Variants in BTRC observed in about 807,000 individuals in gnomAD.
The protein encoded by BTRC is beta-transducin repeat containing E3 ubiquitin protein ligase.
In BTRC, 42 loss-of-function variants were observed where a neutral mutation model predicts 85.5. The ratio of observed to expected loss-of-function variants is 0.49; its 90% CI spans 0.38 to 0.64. BTRC has a LOEUF of 0.64. BTRC is among the 30% of genes least tolerant of loss of function. BTRC has a pLI of 0.00. For missense variants in BTRC, 594 were observed against 743.5 expected (o/e 0.80, Z 2.34); for synonymous variants, 255 against 263.3 (o/e 0.97, Z 0.30).
rs1456395738 is a variant in BTRC at position 101,430,355 on chromosome 10, C to A, written c.59C>A (p.Pro20His). Residue 20 changes from proline to histidine, a missense_variant, in exon 2 of 15, where the codon CCC becomes CAC. Physicochemically the swap from Pro to His is moderately conservative, Grantham distance 77. Coordinates refer to ENST00000370187, the MANE Select transcript of BTRC (RefSeq NM_033637.4). ...GTCCTCTCTCTGCAGTGCTCTATGC[C>A]CAGGTCTCTGTGGCTGGGCTGCTCC... ...EKALKFMCSM[P>H]RSLWLGCSSL... 1 of 1,613,714 alleles carries A rather than the reference C, an allele frequency of 6.2e-7. No individual in the cohort carries two copies. The highest frequency in any genetic ancestry group is 8.5e-7 in the Non-Finnish European group (1 of 1,179,728).
At chr10:101,417,188 C>G (rs1367148175) in intron 1 of BTRC, among the ~76,000 whole-genome samples, 1 of 152,122 alleles carries the variant, frequency 6.6e-6, no homozygotes, top group Non-Finnish European at 1.5e-5. Context: ...AGATCCCATT[C>G]AAGTTTCTCT....
At chr10:101,389,643 A>G in intron 1 of BTRC, among the ~76,000 whole-genome samples, 1 of 95,622 alleles carries the variant, frequency 1.0e-5, no homozygotes, top group Non-Finnish European at 1.9e-5. Flanking sequence ...TTTTTGAGAC[A>G]GGGTCTTTCT....
intron 4 of BTRC, among the ~76,000 whole-genome samples, chr10:101,509,243 A>AT (rs71016330): frequency 0.082 from 5,711 of 69,910 alleles, 1,583 homozygotes; most frequent in African/African-American, 0.23. Context: ...GGCAATGTGG[A>AT]TTTTTTTTTT....
intron 4 of BTRC, among the ~76,000 whole-genome samples, chr10:101,480,893 T>TA (rs1241906121): frequency 6.6e-6 from 1 of 152,206 alleles, no homozygotes; most frequent in Non-Finnish European, 1.5e-5. Flanking sequence ...TAACAAGTGC[T>TA]AATTGACCCT....
intron 3 of BTRC, among the ~76,000 whole-genome samples, chr10:101,472,625 G>A (rs1405093050): frequency 6.6e-6 from 1 of 152,110 alleles, no homozygotes; most frequent in East Asian, 1.9e-4. Flanking sequence ...GACCAGCCTG[G>A]CCAATATGGT....
intron 4 of BTRC, among the ~76,000 whole-genome samples, chr10:101,518,995 C>A (rs903043063): frequency 1.3e-5 from 2 of 151,372 alleles, no homozygotes; most frequent in Admixed American, 1.3e-4. Context: ...CTGAGAGCAT[C>A]TCAAGGCTTA....
intron 1 of BTRC, among the ~76,000 whole-genome samples, chr10:101,387,652 G>A (rs1943119012): frequency 6.7e-6 from 1 of 148,534 alleles, no homozygotes; most frequent in South Asian, 2.1e-4. Context: ...TCACCTTCCC[G>A]AGTTGTTGGG....
intron 1 of BTRC, among the ~76,000 whole-genome samples, chr10:101,404,624 A>C (rs764648305): frequency 6.6e-6 from 1 of 152,104 alleles, no homozygotes; most frequent in South Asian, 2.1e-4. Context: ...TTGCAGTTCT[A>C]TTGAGATATA....
At chr10:101,367,258 CAA>C (rs1942493286) in intron 1 of BTRC, among the ~76,000 whole-genome samples, 1 of 148,882 alleles carries the variant, frequency 6.7e-6, no homozygotes, top group African/African-American at 2.5e-5. Context: ...TTAGTAGAGA[CAA>C]GGTTTCGCCA....
At chr10:101,494,301 TCC>T (rs1946206475) in intron 4 of BTRC, among the ~76,000 whole-genome samples, 1 of 152,164 alleles carries the variant, frequency 6.6e-6, no homozygotes. Flanking sequence ...AGAGTGCTTG[TCC>T]ATAACCAGAG....
At chr10:101,444,234 A>G (rs181899446) in intron 2 of BTRC, among the ~76,000 whole-genome samples, 1 of 152,234 alleles carries the variant, frequency 6.6e-6, no homozygotes, top group Non-Finnish European at 1.5e-5. Flanking sequence ...ATAGCTGTAC[A>G]TGTAGCTTAA....
rs1413301460 is a variant in BTRC, at chr10:101,550,783, G to T, written c.1741G>T (p.Asp581Tyr). 3 of 1,613,918 alleles carry T rather than the reference G, an allele frequency of 1.9e-6. No homozygotes were observed. The highest frequency in any genetic ancestry group is 1.7e-6 in the Non-Finnish European group (2 of 1,179,920). The change falls in exon 14 of 15, where the codon GAC becomes TAC. Residue 581 changes from aspartate to tyrosine, a missense_variant. Around this residue, in one of 4 missense-constraint regions of BTRC, gnomAD observed 56 missense variants for 39.6 expected, o/e 1.41. Coordinates refer to ENST00000370187, the MANE Select transcript of BTRC (RefSeq NM_033637.4). ...ACATGATGACACAATCCTCATCTGG[G>T]ACTTCCTAAATGATCCAGCTGCCCA... ...SSHDDTILIW[D>Y]FLNDPAAQAE...
At chr10:101,393,262 C>T (rs966461284) in intron 1 of BTRC, among the ~76,000 whole-genome samples, 1 of 152,156 alleles carries the variant, frequency 6.6e-6, no homozygotes, top group Non-Finnish European at 1.5e-5. Context: ...GTATTCTTTG[C>T]AATATCCTTC....
At chr10:101,511,486 C>T (rs951248129) in intron 4 of BTRC, among the ~76,000 whole-genome samples, 4 of 152,094 alleles carry the variant, frequency 2.6e-5, no homozygotes, top group African/African-American at 4.8e-5. Flanking sequence ...CTCAGACTCC[C>T]AAGTAGCTGG....
chr10:101,501,515 A>G (rs888765513), intron 4 of BTRC, among the ~76,000 whole-genome samples: 3 of 152,184 alleles, frequency 2.0e-5, no homozygotes, highest in African/African-American at 7.2e-5. Flanking sequence ...TATGTCAACT[A>G]TAAGAAAACT....
At chr10:101,506,215 G>A (rs778102018) in intron 4 of BTRC, among the ~76,000 whole-genome samples, 3 of 152,150 alleles carry the variant, frequency 2.0e-5, no homozygotes, top group East Asian at 1.9e-4. Flanking sequence ...TAGTTTTCGC[G>A]CCTGGCTAGT....
chr10:101,447,133 A>G (rs1342056710), intron 2 of BTRC, among the ~76,000 whole-genome samples: 1 of 152,220 alleles, frequency 6.6e-6, no homozygotes, highest in East Asian at 1.9e-4. Flanking sequence ...AATATAGAGC[A>G]GCTATTTCAG....
chr10:101,522,507 G>A (rs1357189573), intron 5 of BTRC, among the ~76,000 whole-genome samples: 1 of 118,952 alleles, frequency 8.4e-6, no homozygotes, highest in African/African-American at 3.3e-5. Context: ...TGCAACCTCT[G>A]CCTCCCAGAT....
intron 1 of BTRC, among the ~76,000 whole-genome samples, chr10:101,405,876 G>A (rs1943606859): frequency 1.3e-5 from 2 of 152,214 alleles, no homozygotes; most frequent in East Asian, 1.9e-4. Flanking sequence ...TTTTGGTAAA[G>A]TGTAGCAAGT....
Sources: allele counts gnomAD v4.1 joint callset (sites outside exome capture counted in the v4.1 genomes callset), GRCh38; gene constraint gnomAD v4.1.1; regional missense constraint gnomAD v4.1.1; transcripts MANE v1.5; gene names NCBI Gene and HGNC (gene_info 2026-07-23, HGNC 2026-07-21).